Variants in RAP1GAP2 observed in about 807,000 individuals in gnomAD.
The protein encoded by RAP1GAP2 is RAP1 GTPase activating protein 2.
A neutral mutation model predicts 95.0 loss-of-function variants in RAP1GAP2; 27 were observed. That is an observed-to-expected ratio of 0.28 (90% CI 0.21 to 0.39). The LOEUF is 0.39. Ranked by LOEUF, RAP1GAP2 falls within the 10% of genes least tolerant of loss-of-function variation. The pLI, the probability that RAP1GAP2 is intolerant of heterozygous loss-of-function variation, is 1.00. For synonymous variants in RAP1GAP2, 373 were observed against 380.9 expected, an observed-to-expected ratio of 0.98 and a Z score of 0.24; for missense variants, 771 against 970.0, an observed-to-expected ratio of 0.79 and a Z score of 2.72.
chr17:2,955,199 T>C (rs558444524), intron 3 of RAP1GAP2, among the ~76,000 whole-genome samples: 26 of 152,322 alleles, frequency 1.7e-4, no homozygotes, highest in African/African-American at 6.3e-4. Context: ...TTTCCGGGAA[T>C]TGCCAAATGA....
At chr17:2,791,823 T>C (rs1401550161), upstream of RAP1GAP2, among the ~76,000 whole-genome samples, 1 of 151,226 alleles carries the variant, frequency 6.6e-6, no homozygotes, top group Non-Finnish European at 1.5e-5. Context: ...CCAGGAGGGC[T>C]GGGCCTGCTT....
intron 3 of RAP1GAP2, among the ~76,000 whole-genome samples, chr17:2,948,223 T>G (rs894214380): frequency 2.6e-5 from 4 of 151,902 alleles, no homozygotes; most frequent in African/African-American, 9.7e-5. Flanking sequence ...TGAACATGAG[T>G]GTGTGGTGCC....
intron 3 of RAP1GAP2, among the ~76,000 whole-genome samples, chr17:2,927,768 A>C (rs1211840598): frequency 6.6e-6 from 1 of 152,104 alleles, no homozygotes; most frequent in East Asian, 1.9e-4. Context: ...GGGCATCTCT[A>C]CCTGCTTCCT....
chr17:2,967,164 C>T (rs567651127), intron 8 of RAP1GAP2, among the ~76,000 whole-genome samples: 6 of 152,078 alleles, frequency 3.9e-5, no homozygotes, highest in South Asian at 2.1e-4. Flanking sequence ...GTCAGGAGAT[C>T]GAGACCATCC....
intron 8 of RAP1GAP2, among the ~76,000 whole-genome samples, chr17:2,978,786 T>C (rs2045231188): frequency 2.6e-5 from 4 of 151,888 alleles, no homozygotes. Flanking sequence ...ATATAAAAAA[T>C]TAGCTAGGCA....
Position 3,005,913 on chromosome 17 carries a change from A to G in RAP1GAP2, c.1273-42A>G, listed in dbSNP as rs1409065087. The G allele has an allele frequency of 6.3e-7, 1 of 1,575,486 alleles. No individual in the cohort carries two copies. On this transcript the variant is annotated intron_variant, in intron 15 of 24. Coordinates refer to ENST00000254695, the MANE Select transcript of RAP1GAP2 (RefSeq NM_015085.5). The surrounding 1 kb of genome is among the most constrained non-coding windows in gnomAD (Gnocchi z 5.2). The stretch of plus-strand genomic sequence containing the variant: ...CTGTGGCTGAAGACCTTCTGGCAAC[A>G]GCCGAGAGTGACAGACCTGAGGTCC...
At chr17:2,957,021 G>A (rs1453579533) in intron 3 of RAP1GAP2, among the ~76,000 whole-genome samples, 3 of 151,942 alleles carry the variant, frequency 2.0e-5, no homozygotes, top group Admixed American at 6.6e-5. Flanking sequence ...CCAGCTACTC[G>A]GGAGGCTGAG....
intron 3 of RAP1GAP2, among the ~76,000 whole-genome samples, chr17:2,911,718 C>T (rs758528196): frequency 1.1e-3 from 163 of 151,356 alleles, no homozygotes; most frequent in Non-Finnish European, 1.7e-3. Flanking sequence ...GTGGGGCAGC[C>T]GGAAGGGGCC....
chr17:2,795,727 C>A (rs1231979433), upstream of RAP1GAP2, among the ~76,000 whole-genome samples: 1 of 152,176 alleles, frequency 6.6e-6, no homozygotes, highest in Non-Finnish European at 1.5e-5. Context: ...TGTCTGTGCA[C>A]GTGTCCAATG....
upstream of RAP1GAP2, among the ~76,000 whole-genome samples, chr17:2,776,088 A>G (rs2068492509): frequency 1.3e-5 from 2 of 152,204 alleles, no homozygotes; most frequent in Admixed American, 1.3e-4. Context: ...CTGAGGCACA[A>G]GAATCGCTTG....
At position 2,847,867 on chromosome 17, in the gene RAP1GAP2, C is replaced by T. The variant is rs566614313; in HGVS notation, c.80+47317C>T. ...GCGGCCTCTATGCAAAATAACACCTCTTCCTGTTCGTCAGAAATTTCACAC... is the reference window on the plus strand; with the variant it reads ...GCGGCCTCTATGCAAAATAACACCTTTTCCTGTTCGTCAGAAATTTCACAC... On this transcript the variant is annotated intron_variant, in intron 2 of 24. Coordinates refer to ENST00000254695, the MANE Select transcript of RAP1GAP2 (RefSeq NM_015085.5). Among the ~76,000 whole-genome samples, 14 of 152,276 alleles carry T rather than the reference C, an allele frequency of 9.2e-5. No individual in the cohort carries two copies. In the East Asian group the frequency reaches 1.2e-3, roughly 13 times the overall value.
chr17:2,975,039 G>A (rs1387473556), intron 8 of RAP1GAP2, among the ~76,000 whole-genome samples: 1 of 152,136 alleles, frequency 6.6e-6, no homozygotes, highest in East Asian at 1.9e-4. Context: ...GACTAGCCTG[G>A]CCAACATGGC....
intron 3 of RAP1GAP2, among the ~76,000 whole-genome samples, chr17:2,941,004 A>G (rs2043472820): frequency 6.6e-6 from 1 of 152,124 alleles, no homozygotes. Flanking sequence ...GGACCTTGTG[A>G]CCAGCCAGAA....
intron 1 of RAP1GAP2, among the ~76,000 whole-genome samples, chr17:2,788,317 A>G (rs955802253): frequency 6.6e-6 from 1 of 152,090 alleles, no homozygotes; most frequent in Non-Finnish European, 1.5e-5. Context: ...TTGCTTTGAG[A>G]TAGAGACTGG....
chr17:2,827,972 C>G lies in RAP1GAP2; in HGVS notation c.80+27422C>G, dbSNP rs750589328. On this transcript the variant is annotated intron_variant, in intron 2 of 24. Coordinates refer to ENST00000254695, the MANE Select transcript of RAP1GAP2 (RefSeq NM_015085.5). This position sits in a 1 kb window ranked among gnomAD's most constrained non-coding sequence, Gnocchi z 4.1. The stretch of plus-strand genomic sequence containing the variant: ...CCAGCCCTTCCCTGTGGGGGAGCCA[C>G]AAGAGGCCGTCCCTGGGCCTGCAAG... Among the ~76,000 whole-genome samples the G allele has an allele frequency of 4.3e-4, 66 of 152,196 alleles. No individual in the cohort carries two copies. Among genetic ancestry groups the G allele is most frequent in the Non-Finnish European group, 9.3e-4 (63 of 68,040 alleles).
rs150623056 is a variant in RAP1GAP2 at position 2,768,049 on chromosome 17, T to C, written c.51-2280T>C. Among the ~76,000 whole-genome samples the C allele has an allele frequency of 3.5e-3, 529 of 152,258 alleles. 1 individual carries two copies. The highest frequency in any genetic ancestry group is 0.01 in the Middle Eastern group (3 of 294). ...ACGTGGCCAATTTATTATAGCTTTT[T>C]ATTTCTTTATTATAATTTATTTAGC... On this transcript the variant is annotated intron_variant, in intron 1 of 25. Transcript: ENST00000637138.
At chr17:2,911,931 G>C (rs972935393) in intron 3 of RAP1GAP2, among the ~76,000 whole-genome samples, 41 of 152,204 alleles carry the variant, frequency 2.7e-4, no homozygotes, top group Admixed American at 2.6e-4. Flanking sequence ...AGCTGGCTCG[G>C]TCAGCTGGGA....
At chr17:2,922,316 C>T (rs1597617171) in intron 3 of RAP1GAP2, among the ~76,000 whole-genome samples, 1 of 152,252 alleles carries the variant, frequency 6.6e-6, no homozygotes. Flanking sequence ...CTCCCTAGGC[C>T]TTGCCTTCTA....
chr17:2,841,879 C>T (rs1418050981), intron 2 of RAP1GAP2, among the ~76,000 whole-genome samples: 1 of 152,194 alleles, frequency 6.6e-6, no homozygotes, highest in Non-Finnish European at 1.5e-5. Context: ...TCCCTCCCTT[C>T]TCTCGGGCTC....
Sources: allele counts gnomAD v4.1 joint callset (sites outside exome capture counted in the v4.1 genomes callset), GRCh38; gene constraint gnomAD v4.1.1; non-coding constraint Gnocchi (gnomAD v3.1); transcripts MANE v1.5; gene names NCBI Gene and HGNC (gene_info 2026-07-23, HGNC 2026-07-21).